Variants in SYNDIG1L observed in about 807,000 individuals in gnomAD.
SYNDIG1L encodes synapse differentiation inducing 1 like.
In SYNDIG1L, 13 loss-of-function variants were observed where a neutral mutation model predicts 20.1. The observed-to-expected ratio is 0.65, with a 90% CI of 0.42 to 1.03. The LOEUF (loss-of-function observed/expected upper bound fraction) is 1.03. Ranked by LOEUF, SYNDIG1L falls within the 50% of genes least tolerant of loss-of-function variation. SYNDIG1L has a pLI of 0.00. For synonymous variants in SYNDIG1L, 128 were observed against 129.3 expected, an observed-to-expected ratio of 0.99 and a Z score of 0.07; for missense variants, 294 against 305.1, an observed-to-expected ratio of 0.96 and a Z score of 0.27.
At position 74,409,688 on chromosome 14, in the gene SYNDIG1L, G is replaced by C. The variant is rs2086115426; in HGVS notation, c.57C>G (p.Leu19=). The part of the protein sequence containing the change: ...NPLLPRSPAH[L]HGPYPYPETP... The stretch of plus-strand genomic sequence containing the variant: ...TCTCCGGGTAGGGATAGGGGCCATG[G>C]AGATGGGCAGGGCTCCTGGGCAGCA... The change falls in exon 2 of 4, where the codon CTC becomes CTG. Residue 19 remains leucine, a synonymous_variant. Coordinates refer to ENST00000331628, the MANE Select transcript of SYNDIG1L (RefSeq NM_001105579.2). 6.8e-7 allele frequency: 1 copy of C among 1,480,704 alleles called. No individual in the cohort carries two copies. Among genetic ancestry groups the C allele is most frequent in the African/African-American group, 1.4e-5 (1 of 70,680 alleles). The allele number at this position is 1,480,704 out of a possible 1,614,324, so 91.7% of individuals were successfully genotyped here.
the SYNDIG1L span, among the ~76,000 whole-genome samples, chr14:74,477,321 G>T: frequency 6.6e-6 from 1 of 152,048 alleles, no homozygotes; most frequent in East Asian, 1.9e-4. Context: ...CCCTGTCCTT[G>T]TACCAACCCA....
chr14:74,443,421 G>A, the SYNDIG1L span, among the ~76,000 whole-genome samples: 2 of 152,178 alleles, frequency 1.3e-5, no homozygotes, highest in South Asian at 4.1e-4. Flanking sequence ...GGAGTGGCAG[G>A]GTGGAAGCCA....
intron 2 of SYNDIG1L, 111 bp downstream of exon 2, chr14:74,409,217 C>A: frequency 1.3e-6 from 1 of 795,594 alleles, no homozygotes; most frequent in Non-Finnish European, 1.9e-6. Context: ...TAGCTGGGAC[C>A]ACAGGCACAT....
the SYNDIG1L span, among the ~76,000 whole-genome samples, chr14:74,455,664 C>G: frequency 6.6e-6 from 1 of 152,216 alleles, no homozygotes; most frequent in Non-Finnish European, 1.5e-5. Context: ...AGGTGATCTG[C>G]CTGCCTCGGC....
intron 1 of SYNDIG1L, among the ~76,000 whole-genome samples, chr14:74,425,105 T>C (rs2086254377): frequency 6.6e-6 from 1 of 152,194 alleles, no homozygotes; most frequent in Admixed American, 6.5e-5. Flanking sequence ...ATCGCTACAT[T>C]CTGCCAGTCA....
the SYNDIG1L span, among the ~76,000 whole-genome samples, chr14:74,443,820 G>C: frequency 1.3e-5 from 2 of 152,150 alleles, no homozygotes; most frequent in Non-Finnish European, 2.9e-5. Flanking sequence ...AGGACAGGCT[G>C]GCCAATAACT....
the SYNDIG1L span, among the ~76,000 whole-genome samples, chr14:74,466,479 C>T: frequency 1.4e-4 from 22 of 152,162 alleles, no homozygotes; most frequent in African/African-American, 5.3e-4. Context: ...TGATATTAGG[C>T]AAATGACTTC....
At chr14:74,453,403 A>T in the SYNDIG1L span, among the ~76,000 whole-genome samples, 3 of 134,052 alleles carry the variant, frequency 2.2e-5, no homozygotes, top group African/African-American at 8.2e-5. Context: ...AAGAAGAAGA[A>T]GATCAGTTGT....
chr14:74,456,358 C>T, the SYNDIG1L span, among the ~76,000 whole-genome samples: 1 of 152,168 alleles, frequency 6.6e-6, no homozygotes, highest in Admixed American at 6.5e-5. Context: ...AGTGAAACCC[C>T]GTCTCTACTA....
chr14:74,460,447 T>C, the SYNDIG1L span, among the ~76,000 whole-genome samples: 1 of 152,230 alleles, frequency 6.6e-6, no homozygotes, highest in African/African-American at 2.4e-5. Context: ...ATTTCAGAGC[T>C]GCCCCACCTC....
chr14:74,418,835 G>A (rs917682647), intron 1 of SYNDIG1L, among the ~76,000 whole-genome samples: 4 of 152,208 alleles, frequency 2.6e-5, no homozygotes, highest in Non-Finnish European at 5.9e-5. Flanking sequence ...CATTGTGAGT[G>A]AAGCCATTTT....
chr14:74,414,910 G>T (rs1446285653), intron 1 of SYNDIG1L, among the ~76,000 whole-genome samples: 1 of 152,130 alleles, frequency 6.6e-6, no homozygotes, highest in Non-Finnish European at 1.5e-5. Context: ...AATCACCAAG[G>T]GAGTAAGAAC....
At chr14:74,441,548 C>T in the SYNDIG1L span, among the ~76,000 whole-genome samples, 1 of 152,074 alleles carries the variant, frequency 6.6e-6, no homozygotes, top group East Asian at 1.9e-4. Context: ...CTCTGTTGCC[C>T]AGGTTGCAGT....
chr14:74,414,068 C>T (rs1395132225), intron 1 of SYNDIG1L, among the ~76,000 whole-genome samples: 1 of 152,218 alleles, frequency 6.6e-6, no homozygotes, highest in Non-Finnish European at 1.5e-5. Flanking sequence ...TTGGGTCTGC[C>T]TCTCCCTGTT....
chr14:74,421,727 G>T (rs541052055), intron 1 of SYNDIG1L, among the ~76,000 whole-genome samples: 4 of 152,180 alleles, frequency 2.6e-5, no homozygotes, highest in African/African-American at 9.7e-5. Flanking sequence ...TTTGAGAATC[G>T]TCGAAGGACC....
chr14:74,422,574 C>T (rs1241357513), intron 1 of SYNDIG1L, among the ~76,000 whole-genome samples: 2 of 151,676 alleles, frequency 1.3e-5, no homozygotes, highest in Non-Finnish European at 2.9e-5. Context: ...TCTGGATATT[C>T]TCTGCTTCTG....
the SYNDIG1L span, chr14:74,474,743 T>G: frequency 2.0e-5 from 3 of 152,300 alleles, no homozygotes; most frequent in African/African-American, 7.2e-5. Flanking sequence ...GCTCTGGAGC[T>G]GCCCACTCAG....
chr14:74,410,415 G>A (rs532728740), intron 1 of SYNDIG1L, among the ~76,000 whole-genome samples: 33 of 152,322 alleles, frequency 2.2e-4, no homozygotes, highest in South Asian at 1.2e-3. Flanking sequence ...CACAGATGGA[G>A]GTGTGCGATG....
rs1259444949 is a variant in SYNDIG1L, at chr14:74,407,093, C to T, written c.*442G>A. 5.5e-6 allele frequency: 1 copy of T among 182,748 alleles called. No homozygotes were observed. Among genetic ancestry groups the T allele is most frequent in the East Asian group, 1.7e-4 (1 of 5,780 alleles). The allele number at this position is 182,748 out of a possible 1,614,324, so 11.3% of individuals were successfully genotyped here. A position where few individuals can be genotyped will look rare whatever the true frequency, so the allele number is the denominator to read the frequency against. On this transcript the variant is annotated 3_prime_UTR_variant, in exon 4 of 4. Transcript: ENST00000331628. ...TCAGGCTGTCCCCAGGTGAAGATCC[C>T]TGTGGGCTGAAAGGATTGGGACGGG...
Sources: gnomAD v4.1 joint callset for allele counts (sites outside exome capture counted in the v4.1 genomes callset) on GRCh38, gnomAD v4.1.1 for gene constraint, MANE v1.5 for transcripts, NCBI Gene and HGNC (gene_info 2026-07-23, HGNC 2026-07-21) for gene names.